Variants in SMYD3 observed in about 807,000 individuals in gnomAD.
SMYD3 encodes SET and MYND domain containing 3.
In SMYD3, 36 loss-of-function variants were observed where a neutral mutation model predicts 57.7. That is an observed-to-expected ratio of 0.62 (90% CI 0.48 to 0.82). The LOEUF (loss-of-function observed/expected upper bound fraction) is 0.82. SMYD3 is among the 40% of genes least tolerant of loss of function. The pLI is 0.00. For synonymous variants in SMYD3, 211 were observed against 195.0 expected, an observed-to-expected ratio of 1.08 and a Z score of -0.68; for missense variants, 515 against 538.8, an observed-to-expected ratio of 0.96 and a Z score of 0.44.
chr1:246,338,183 T>C (rs1297571287), intron 2 of SMYD3, among the ~76,000 whole-genome samples: 3 of 152,212 alleles, frequency 2.0e-5, no homozygotes, highest in East Asian at 1.9e-4. Context: ...TATCAGCCCA[T>C]TCCTTTTCTT....
chr1:246,392,236 G>T (rs1216800932), intron 1 of SMYD3, among the ~76,000 whole-genome samples: 1 of 152,112 alleles, frequency 6.6e-6, no homozygotes, highest in African/African-American at 2.4e-5. Flanking sequence ...AAGGACCAAG[G>T]TTGGTGAAAA....
chr1:245,837,538 A>C (rs532404637), intron 10 of SMYD3, among the ~76,000 whole-genome samples: 2 of 152,264 alleles, frequency 1.3e-5, no homozygotes, highest in African/African-American at 4.8e-5. Flanking sequence ...TACACGAGGG[A>C]AGAAGCACAG....
At chr1:245,817,088 G>T (rs540518957) in intron 10 of SMYD3, among the ~76,000 whole-genome samples, 1 of 151,440 alleles carries the variant, frequency 6.6e-6, no homozygotes, top group South Asian at 2.1e-4. Context: ...TCCACCTCTG[G>T]GGGCAGGGCA....
intron 1 of SMYD3, among the ~76,000 whole-genome samples, chr1:246,455,335 T>C (rs917286829): frequency 5.9e-5 from 9 of 152,122 alleles, no homozygotes; most frequent in African/African-American, 2.2e-4. Context: ...GAATTGGAAA[T>C]AAAAATGAAA....
intron 5 of SMYD3, among the ~76,000 whole-genome samples, chr1:245,963,193 T>C (rs1219335624): frequency 2.6e-5 from 4 of 152,186 alleles, no homozygotes; most frequent in Admixed American, 1.3e-4. Context: ...ATTAGCTTAA[T>C]TTAATTATTC....
chr1:245,839,376 A>T (rs547205512), intron 10 of SMYD3, among the ~76,000 whole-genome samples: 1 of 151,796 alleles, frequency 6.6e-6, no homozygotes, highest in Non-Finnish European at 1.5e-5. Flanking sequence ...TCACCGTGTT[A>T]GCCAGGATGG....
intron 5 of SMYD3, among the ~76,000 whole-genome samples, chr1:246,060,469 C>T (rs1458037805): frequency 2.0e-5 from 3 of 151,836 alleles, no homozygotes; most frequent in Non-Finnish European, 4.4e-5. Flanking sequence ...CGTTTAACGA[C>T]AAAAATGGCA....
chr1:246,057,602 C>T (rs779904799), intron 5 of SMYD3, among the ~76,000 whole-genome samples: 1 of 152,174 alleles, frequency 6.6e-6, no homozygotes, highest in Non-Finnish European at 1.5e-5. Context: ...CTGATAACAC[C>T]AAATGCTGGC....
At chr1:246,011,125 A>G (rs978163431) in intron 5 of SMYD3, among the ~76,000 whole-genome samples, 1 of 152,200 alleles carries the variant, frequency 6.6e-6, no homozygotes, top group Non-Finnish European at 1.5e-5. Flanking sequence ...AGTTTCAAAT[A>G]CATCAACAAA....
chr1:246,460,138 C>T (rs112238944), intron 1 of SMYD3, among the ~76,000 whole-genome samples: 2 of 152,292 alleles, frequency 1.3e-5, no homozygotes, highest in African/African-American at 4.8e-5. Context: ...TGCAAACAAA[C>T]AAATTTCATA....
chr1:246,161,994 G>A (rs1558279256), intron 5 of SMYD3, among the ~76,000 whole-genome samples: 1 of 152,182 alleles, frequency 6.6e-6, no homozygotes, highest in Non-Finnish European at 1.5e-5. Flanking sequence ...AGAGTTTCAG[G>A]AACAGAAGAG....
At chr1:246,036,720 ATTTT>A (rs546300378) in intron 5 of SMYD3, among the ~76,000 whole-genome samples, 2 of 110,532 alleles carry the variant, frequency 1.8e-5, no homozygotes, top group African/African-American at 3.9e-5. Context: ...AGCCCGGCTA[ATTTT>A]TTTTTTTTTT....
At chr1:245,798,468 ACACAT>A (rs1390553156) in intron 10 of SMYD3, among the ~76,000 whole-genome samples, 21 of 26,168 alleles carry the variant, frequency 8.0e-4, no homozygotes, top group Non-Finnish European at 1.2e-3. Context: ...ACACATACAC[ACACAT>A]ACACAACACA....
intron 10 of SMYD3, among the ~76,000 whole-genome samples, chr1:245,779,658 T>C (rs1178604013): frequency 6.6e-6 from 1 of 150,574 alleles, no homozygotes; most frequent in Non-Finnish European, 1.5e-5. Flanking sequence ...GTTTTATACT[T>C]ATCAACTTAT....
At chr1:246,492,321 T>C (rs551458680) in intron 1 of SMYD3, among the ~76,000 whole-genome samples, 80 of 152,272 alleles carry the variant, frequency 5.3e-4, no homozygotes, top group Non-Finnish European at 9.3e-4. Context: ...GAGTGTAGCC[T>C]AGGCATCAGG....
At chr1:246,333,862 G>A (rs2065499087) in intron 3 of SMYD3, among the ~76,000 whole-genome samples, 1 of 152,016 alleles carries the variant, frequency 6.6e-6, no homozygotes, top group South Asian at 2.1e-4. Flanking sequence ...CTCCAGCCTG[G>A]GGCAACAGAG....
intron 1 of SMYD3, among the ~76,000 whole-genome samples, chr1:246,365,595 T>C (rs1249322296): frequency 6.6e-6 from 1 of 151,572 alleles, no homozygotes; most frequent in Non-Finnish European, 1.5e-5. Context: ...GGCAGTGATG[T>C]AATTTTTTAA....
intron 5 of SMYD3, among the ~76,000 whole-genome samples, chr1:246,091,333 C>T (rs996373729): frequency 7.2e-5 from 11 of 152,276 alleles, no homozygotes; most frequent in African/African-American, 2.2e-4. Context: ...CAGCCTCCAC[C>T]GCTGGATGGG....
At chr1:245,827,848 G>C (rs1266180508) in intron 10 of SMYD3, among the ~76,000 whole-genome samples, 1 of 152,192 alleles carries the variant, frequency 6.6e-6, no homozygotes, top group Non-Finnish European at 1.5e-5. Context: ...GCTAATTAAT[G>C]AGGAGCCGAG....
Sources: allele counts gnomAD v4.1 joint callset (sites outside exome capture counted in the v4.1 genomes callset), GRCh38; gene constraint gnomAD v4.1.1; transcripts MANE v1.5; gene names NCBI Gene and HGNC (gene_info 2026-07-23, HGNC 2026-07-21).